The following LYSMD1 variants were observed in gnomAD, a reference collection of about 807,000 sequenced individuals.
LYSMD1 encodes lysM and putative peptidoglycan-binding domain-containing protein 1.
A neutral mutation model predicts 19.3 loss-of-function variants in LYSMD1; 9 were observed. The observed-to-expected ratio is 0.47, with a 90% CI of 0.28 to 0.81. The LOEUF (loss-of-function observed/expected upper bound fraction) is 0.81. LYSMD1 is among the 40% of genes least tolerant of loss of function. LYSMD1 has a pLI of 0.11. For synonymous variants in LYSMD1, 111 were observed against 111.7 expected (o/e 0.99, Z 0.04); for missense variants, 262 against 279.8 (o/e 0.94, Z 0.45).
chr1:151,151,837 G>T, the LYSMD1 span, among the ~76,000 whole-genome samples: 29,592 of 150,884 alleles, frequency 0.2, 5,886 homozygotes, highest in African/African-American at 0.52. Context: ...GCTGAGGCAG[G>T]AGAATCACTT....
chr1:151,161,641 G>C, intron 2 of LYSMD1, 95 bp downstream of exon 2: 2 of 1,482,288 alleles, frequency 1.3e-6, no homozygotes, highest in Middle Eastern at 1.8e-4. Context: ...TGCCTCTGTT[G>C]GCACTGTCCT....
At chr1:151,159,740 C>CTAAA (rs1558199554), downstream of LYSMD1, 1 of 179,176 alleles carries the variant, frequency 5.6e-6, no homozygotes, top group African/African-American at 2.4e-5. Flanking sequence ...AATAAAACTA[C>CTAAA]TAAAATATGC....
At chr1:151,149,446 T>C in the LYSMD1 span, among the ~76,000 whole-genome samples, 3 of 151,382 alleles carry the variant, frequency 2.0e-5, no homozygotes, top group Non-Finnish European at 2.9e-5. Context: ...CCTTAGTGTT[T>C]TGAAGAAAAT....
the LYSMD1 span, among the ~76,000 whole-genome samples, chr1:151,150,944 G>A: frequency 6.6e-6 from 1 of 151,558 alleles, no homozygotes; most frequent in East Asian, 1.9e-4. Context: ...TCGCCATGTT[G>A]GCCAGGCTGG....
Position 151,160,066 on chromosome 1 carries a change from C to T in LYSMD1, c.*816G>A, listed in dbSNP as rs1347732394. 6.6e-6 allele frequency: 1 copy of T among 151,480 alleles called. No individual in the cohort carries two copies. The highest frequency in any genetic ancestry group is 2.4e-5 in the African/African-American group (1 of 41,254). 9.4% of individuals were successfully genotyped at this position (151,480 alleles called of 1,614,324 possible). A position where few individuals can be genotyped will look rare whatever the true frequency, so the allele number is the denominator to read the frequency against. ...CTCTTCAAACCCCAAGGAAAGCCTT[C>T]TTCCATCTGTTCCCCTCACCACAGG... On this transcript the variant is annotated 3_prime_UTR_variant, in exon 3 of 3. Coordinates refer to ENST00000368908, the MANE Select transcript of LYSMD1 (RefSeq NM_212551.5).
downstream of LYSMD1, chr1:151,158,628 TTCTC>T: frequency 3.7e-6 from 5 of 1,343,864 alleles, no homozygotes; most frequent in Non-Finnish European, 5.1e-6. Flanking sequence ...GAAAAGCCAT[TTCTC>T]TCTTTCTAAG....
downstream of LYSMD1, chr1:151,159,256 C>T (rs191361625): frequency 6.2e-6 from 10 of 1,608,736 alleles, no homozygotes; most frequent in Admixed American, 8.4e-5. Flanking sequence ...GCTCTGAGAG[C>T]CCTGAGCCTA....
At position 151,162,056 on chromosome 1, in the gene LYSMD1, G is replaced by A. The variant is rs1312079951; in HGVS notation, c.225C>T (p.Ser75=). Residue 75 remains serine (S), a synonymous_variant, in exon 2 of 3, where the codon TCC becomes TCT. Coordinates refer to ENST00000368908, the MANE Select transcript of LYSMD1 (RefSeq NM_212551.5). ...KRANRLYTND[S]IFLKKTLYIP... ...TGTAGAGGGTTTTCTTCAGGAAGAT[G>A]GAGTCATTAGTATAAAGGCGGTTTG... is the stretch of plus-strand genomic sequence containing the variant. 2 of 1,611,632 alleles carry A rather than the reference G, an allele frequency of 1.2e-6. No individual in the cohort carries two copies. Among genetic ancestry groups the A allele is most frequent in the Non-Finnish European group, 1.7e-6 (2 of 1,179,450 alleles).
At chr1:151,155,890 G>A (rs2101677387), downstream of LYSMD1, among the ~76,000 whole-genome samples, 1 of 152,000 alleles carries the variant, frequency 6.6e-6, no homozygotes, top group South Asian at 2.1e-4. Flanking sequence ...ATCACCTGAG[G>A]TCAGGAGTTC....
chr1:151,165,729 C>A lies in LYSMD1; in HGVS notation c.-471G>T, dbSNP rs1416251430. 5.2e-6 allele frequency: 8 copies of A among 1,551,576 alleles called. No individual in the cohort carries two copies. Among genetic ancestry groups the A allele is most frequent in the Non-Finnish European group, 7.0e-6 (8 of 1,147,004 alleles). ...CCGCAGACGAAGAGCGTGAGGATTG[C>A]AAGAATTTGTAGTACACCTTCCACT... is the stretch of plus-strand genomic sequence containing the variant. On this transcript the variant is annotated 5_prime_UTR_variant, in exon 1 of 3. Transcript: ENST00000368908.
downstream of LYSMD1, chr1:151,158,542 G>A: frequency 1.4e-6 from 1 of 703,486 alleles, no homozygotes; most frequent in Non-Finnish European, 2.4e-6. Context: ...ATAGAGGACT[G>A]AGGGGCCCCA....
At chr1:151,158,531 C>T, downstream of LYSMD1, 1 of 630,962 alleles carries the variant, frequency 1.6e-6, no homozygotes, top group Admixed American at 3.0e-5. Context: ...AGGAGCAAGG[C>T]ATAGAGGACT....
At chr1:151,165,032 T>C (rs113051510) in intron 1 of LYSMD1, 47 bp downstream of exon 1, 2 of 1,552,838 alleles carry the variant, frequency 1.3e-6, no homozygotes, top group Non-Finnish European at 1.8e-6. Flanking sequence ...TTCTCAGGAC[T>C]AAATCCCTCC....
chr1:151,155,390 C>A (rs1431331152), downstream of LYSMD1, among the ~76,000 whole-genome samples: 2 of 152,196 alleles, frequency 1.3e-5, no homozygotes, highest in African/African-American at 4.8e-5. Flanking sequence ...ATTTCCCTCG[C>A]CAGATTCCCC....
chr1:151,160,928 C>G lies in LYSMD1; in HGVS notation c.638G>C (p.Arg213Pro). The change falls in exon 3 of 3, where the codon CGG (arginine) becomes CCG (proline). Residue 213 changes from arginine to proline, a missense_variant. By Grantham distance (103) the Arg-to-Pro change is moderately radical. Transcript: ENST00000368908. ...CTCCTGGTCCCGTAGTGTCCGGGTC[C>G]GAGAGGTACGGGTCAGCGGCACAGG... ...LGPVPLTRTS[R>P]TRTLRDQEDE... 6.2e-7 allele frequency: 1 copy of G among 1,614,150 alleles called. No individual in the cohort carries two copies. Among genetic ancestry groups the G allele is most frequent in the South Asian group, 1.1e-5 (1 of 91,078 alleles).
downstream of LYSMD1, among the ~76,000 whole-genome samples, chr1:151,157,489 G>C (rs1228403486): frequency 6.6e-6 from 1 of 152,214 alleles, no homozygotes; most frequent in African/African-American, 2.4e-5. Flanking sequence ...ATGCCACCAA[G>C]AGGGTCCTGA....
At position 151,165,143 on chromosome 1, in the gene LYSMD1, C is replaced by G; in HGVS notation, c.116G>C (p.Arg39Pro). ...QSACSPVRER[R>P]LEHQLEPGDT... ...TCCGGGCTCCAACTGATGCTCCAGG[C>G]GTCTTTCCCTCACTGGGGAGCAGGC... Residue 39 changes from arginine (R) to proline (P), a missense_variant, in exon 1 of 3, where the codon CGC becomes CCC. Arg to Pro is a moderately radical substitution (Grantham distance 103). Coordinates refer to ENST00000368908, the MANE Select transcript of LYSMD1 (RefSeq NM_212551.5). 6.2e-7 allele frequency: 1 copy of G among 1,614,194 alleles called. No homozygotes were observed. Among genetic ancestry groups the G allele is most frequent in the Non-Finnish European group, 8.5e-7 (1 of 1,180,028 alleles).
chr1:151,150,522 C>G, the LYSMD1 span, among the ~76,000 whole-genome samples: 1 of 152,142 alleles, frequency 6.6e-6, no homozygotes, highest in African/African-American at 2.4e-5. Context: ...CAACGACCTC[C>G]TGGTCACATT....
At chr1:151,158,924 A>G, downstream of LYSMD1, 1 of 1,614,262 alleles carries the variant, frequency 6.2e-7, no homozygotes, top group Non-Finnish European at 8.5e-7. Context: ...CTGCACCGCA[A>G]TGGCTCCTTT....
Sources: gnomAD v4.1 joint callset for allele counts (sites outside exome capture counted in the v4.1 genomes callset) on GRCh38, gnomAD v4.1.1 for gene constraint, MANE v1.5 for transcripts, NCBI Gene and HGNC (gene_info 2026-07-23, HGNC 2026-07-21) for gene names.